ITGBL1: variants seen among roughly 807,000 people sequenced by gnomAD.
ITGBL1 encodes integrin beta-like protein 1.
A neutral mutation model predicts 68.5 loss-of-function variants in ITGBL1; 51 were observed. That is an observed-to-expected ratio of 0.74 (90% CI 0.59 to 0.94). The LOEUF is 0.94. ITGBL1 is among the 40% of genes least tolerant of loss of function. ITGBL1 has a pLI of 0.00. For missense variants in ITGBL1, 649 were observed against 647.4 expected, an observed-to-expected ratio of 1.00 and a Z score of -0.03; for synonymous variants, 209 against 227.3, an observed-to-expected ratio of 0.92 and a Z score of 0.72.
intron 2 of ITGBL1, among the ~76,000 whole-genome samples, chr13:101,563,684 C>G (rs916961682): frequency 4.0e-5 from 6 of 151,772 alleles, no homozygotes; most frequent in African/African-American, 1.4e-4. Context: ...ATTCTAGGCT[C>G]CAATGATTTT....
intron 7 of ITGBL1, among the ~76,000 whole-genome samples, chr13:101,622,974 A>T (rs1190222642): frequency 6.6e-6 from 1 of 151,212 alleles, no homozygotes; most frequent in African/African-American, 2.4e-5. Flanking sequence ...AATATCAAAG[A>T]CAATTGCAGA....
intron 7 of ITGBL1, among the ~76,000 whole-genome samples, chr13:101,604,729 G>A (rs1158121076): frequency 1.3e-5 from 2 of 148,850 alleles, no homozygotes; most frequent in Non-Finnish European, 3.0e-5. Flanking sequence ...CATGAGTTAG[G>A]AAAGCAATTA....
intron 8 of ITGBL1, among the ~76,000 whole-genome samples, chr13:101,693,804 G>A (rs1246415698): frequency 6.6e-6 from 1 of 152,128 alleles, no homozygotes; most frequent in African/African-American, 2.4e-5. Flanking sequence ...GAGGGGAAAA[G>A]CCCTTTTAAC....
Position 101,526,683 on chromosome 13 carries a change from GTGTA to G in ITGBL1, c.317-41011_317-41008del, listed in dbSNP as rs200106132. On this transcript the variant is annotated intron_variant, in intron 2 of 10. Coordinates refer to ENST00000376180, the MANE Select transcript of ITGBL1 (RefSeq NM_004791.3). ...TATGTGTGTGTGTGTGTGTGTGTGT[GTGTA>G]TGTAAGAAAAGTTCAGTAAACACCT... Among the ~76,000 whole-genome samples the G allele has an allele frequency of 3.9e-3, 595 of 151,798 alleles. 8 individuals carry two copies. Among genetic ancestry groups the G allele is most frequent in the Middle Eastern group, 0.014 (4 of 294 alleles).
At chr13:101,634,507 T>A (rs1050448078) in intron 7 of ITGBL1, among the ~76,000 whole-genome samples, 1 of 152,156 alleles carries the variant, frequency 6.6e-6, no homozygotes, top group Non-Finnish European at 1.5e-5. Context: ...AGTAAGATAC[T>A]TTTCCAGTGA....
At chr13:101,658,523 AAAAT>A (rs774649724) in intron 7 of ITGBL1, among the ~76,000 whole-genome samples, 2 of 152,176 alleles carry the variant, frequency 1.3e-5, no homozygotes, top group Admixed American at 6.5e-5. Flanking sequence ...ATTATAATCT[AAAAT>A]AAAAGGTGAT....
At chr13:101,521,186 G>T (rs2049278347) in intron 2 of ITGBL1, among the ~76,000 whole-genome samples, 1 of 152,272 alleles carries the variant, frequency 6.6e-6, no homozygotes, top group East Asian at 1.9e-4. Context: ...ATATTGGAAA[G>T]TTATTCCTCA....
chr13:101,601,982 G>T (rs991988860), intron 7 of ITGBL1, among the ~76,000 whole-genome samples: 3 of 151,992 alleles, frequency 2.0e-5, no homozygotes, highest in Non-Finnish European at 2.9e-5. Flanking sequence ...CAATTTCCAT[G>T]AATGAAAGTA....
At chr13:101,616,276 T>A (rs936926103) in intron 7 of ITGBL1, among the ~76,000 whole-genome samples, 17 of 152,116 alleles carry the variant, frequency 1.1e-4, no homozygotes, top group African/African-American at 4.1e-4. Flanking sequence ...AAGGATATGA[T>A]AAGTTCAGGT....
At chr13:101,474,546 A>G (rs1011176705) in intron 2 of ITGBL1, among the ~76,000 whole-genome samples, 1 of 152,110 alleles carries the variant, frequency 6.6e-6, no homozygotes, top group South Asian at 2.1e-4. Flanking sequence ...CAACCTGCTG[A>G]CTGAAGAGCC....
intron 2 of ITGBL1, among the ~76,000 whole-genome samples, chr13:101,518,988 GT>G (rs2049239836): frequency 6.6e-6 from 1 of 152,110 alleles, no homozygotes; most frequent in Admixed American, 6.6e-5. Flanking sequence ...AGTTCTTGAT[GT>G]TTTAAAGTAA....
intron 7 of ITGBL1, among the ~76,000 whole-genome samples, chr13:101,605,334 A>G (rs1202469728): frequency 6.6e-6 from 1 of 151,156 alleles, no homozygotes. Context: ...GCGTATATAT[A>G]TATACACATA....
intron 2 of ITGBL1, among the ~76,000 whole-genome samples, chr13:101,543,622 A>T (rs1337504248): frequency 6.6e-6 from 1 of 152,032 alleles, no homozygotes; most frequent in Non-Finnish European, 1.5e-5. Flanking sequence ...TAGATTGGGG[A>T]AGTTCTGCTG....
chr13:101,664,945 G>A (rs9518479), intron 7 of ITGBL1, among the ~76,000 whole-genome samples: 25,136 of 152,152 alleles, frequency 0.17, 2,692 homozygotes, highest in Admixed American at 0.27. Flanking sequence ...TATTGGTCAG[G>A]CTGATTTTGA....
At chr13:101,466,129 T>C (rs2048378945) in intron 2 of ITGBL1, among the ~76,000 whole-genome samples, 1 of 152,222 alleles carries the variant, frequency 6.6e-6, no homozygotes, top group South Asian at 2.1e-4. Context: ...ATCCTGCCAA[T>C]ATTGCTAATG....
intron 9 of ITGBL1, among the ~76,000 whole-genome samples, chr13:101,707,818 AC>A (rs2034295288): frequency 6.7e-6 from 1 of 149,410 alleles, no homozygotes; most frequent in Admixed American, 6.8e-5. Context: ...ACACCACTGC[AC>A]TCCAGCCTGG....
intron 4 of ITGBL1, among the ~76,000 whole-genome samples, chr13:101,577,734 T>A (rs2050387257): frequency 6.6e-6 from 1 of 152,140 alleles, no homozygotes; most frequent in Non-Finnish European, 1.5e-5. Context: ...TAATATACAC[T>A]ATTGCTTTTT....
At chr13:101,609,685 G>A (rs774248347) in intron 7 of ITGBL1, among the ~76,000 whole-genome samples, 5 of 152,034 alleles carry the variant, frequency 3.3e-5, no homozygotes, top group Non-Finnish European at 1.5e-5. Context: ...GAATCCAGAA[G>A]CTGAATTTAA....
chr13:101,647,664 A>G (rs932358834), intron 7 of ITGBL1, among the ~76,000 whole-genome samples: 17 of 151,856 alleles, frequency 1.1e-4, no homozygotes, highest in Admixed American at 3.3e-4. Flanking sequence ...GATAACTTGG[A>G]TATAAGAAGA....
Sources: allele counts gnomAD v4.1 joint callset (sites outside exome capture counted in the v4.1 genomes callset), GRCh38; gene constraint gnomAD v4.1.1; transcripts MANE v1.5; gene names NCBI Gene and HGNC (gene_info 2026-07-23, HGNC 2026-07-21).